ASAP2: variants seen among roughly 807,000 people sequenced by gnomAD.
The protein encoded by ASAP2 is arf-GAP with SH3 domain, ANK repeat and PH domain-containing protein 2.
ASAP2 carries 45 observed loss-of-function variants against 131.4 expected under a neutral mutation model. That is an observed-to-expected ratio of 0.34 (90% CI 0.27 to 0.44). The LOEUF is 0.44. Among genes scored for constraint, ASAP2 ranks in the 20% least tolerant of loss-of-function variants. The probability of loss-of-function intolerance (pLI) is 1.00; values close to 1 mark genes in which losing one functional copy is unlikely to be tolerated. For missense variants in ASAP2, 1,011 were observed against 1,297.0 expected, an observed-to-expected ratio of 0.78 and a Z score of 3.39; for synonymous variants, 510 against 503.0, an observed-to-expected ratio of 1.01 and a Z score of -0.19.
intron 11 of ASAP2, among the ~76,000 whole-genome samples, chr2:9,350,228 A>G (rs1295612819): frequency 6.6e-6 from 1 of 152,074 alleles, no homozygotes; most frequent in Non-Finnish European, 1.5e-5. Context: ...GGGGTTACAG[A>G]TGTGAATGAA....
chr2:9,317,149 C>T (rs1290268168), intron 3 of ASAP2, among the ~76,000 whole-genome samples: 1 of 149,564 alleles, frequency 6.7e-6, no homozygotes, highest in African/African-American at 2.5e-5. Flanking sequence ...CCCAATCACA[C>T]CCACTCACAT....
At chr2:9,315,089 G>A (rs1032882970) in intron 3 of ASAP2, among the ~76,000 whole-genome samples, 21 of 152,186 alleles carry the variant, frequency 1.4e-4, no homozygotes, top group African/African-American at 5.1e-4. Context: ...CCGTCGAATA[G>A]AACAAATTGA....
Position 9,335,109 on chromosome 2 carries a change from A to G in ASAP2, c.779A>G (p.Asp260Gly). Reference sequence around the variant, plus strand: ...TTTTTAAAGATCAAACAGGCCCAGGATGAAGAAAGAAGGCAGTTGATACAG... The same window carrying G: ...TTTTTAAAGATCAAACAGGCCCAGGGTGAAGAAAGAAGGCAGTTGATACAG... Reference protein sequence around the residue: ...TDLHTIKQAQDEERRQLIQLR... With the variant: ...TDLHTIKQAQGEERRQLIQLR... Residue 260 changes from aspartate to glycine, a missense_variant, in exon 9 of 28, where the codon GAT (aspartate) becomes GGT (glycine). Asp to Gly is a moderately conservative substitution (Grantham distance 94). This residue lies in a region of ASAP2 where 359 missense variants were observed against 598.1 expected (regional missense o/e 0.60). Coordinates refer to ENST00000281419, the MANE Select transcript of ASAP2 (RefSeq NM_003887.3). 2 of 1,614,160 alleles carry G rather than the reference A, an allele frequency of 1.2e-6. No homozygotes were observed. Among genetic ancestry groups the G allele is most frequent in the Non-Finnish European group, 1.7e-6 (2 of 1,180,020 alleles).
intron 1 of ASAP2, among the ~76,000 whole-genome samples, chr2:9,274,125 A>G (rs1038441514): frequency 6.6e-6 from 1 of 152,116 alleles, no homozygotes; most frequent in African/African-American, 2.4e-5. Context: ...TAGTTTTTTC[A>G]GTTCTGATAG....
intron 1 of ASAP2, among the ~76,000 whole-genome samples, chr2:9,253,309 G>A (rs938836861): frequency 1.3e-5 from 2 of 152,006 alleles, no homozygotes; most frequent in East Asian, 1.9e-4. Context: ...GATTACAGGT[G>A]CCCGCCACCA....
chr2:9,226,707 C>T (rs1662794431), intron 1 of ASAP2, among the ~76,000 whole-genome samples: 1 of 152,218 alleles, frequency 6.6e-6, no homozygotes, highest in Non-Finnish European at 1.5e-5. Flanking sequence ...ACTTGGGAAA[C>T]AGGTCACAGG....
rs1234124659 is a variant in ASAP2 at position 9,403,579 on chromosome 2, A to G, written c.*252A>G. On this transcript the variant is annotated 3_prime_UTR_variant, in exon 28 of 28. Transcript: ENST00000281419. The stretch of plus-strand genomic sequence containing the variant: ...TTCCCAACAGGTGAACTGAAAAGTT[A>G]TTTTAACTATTATACATAATCAAGA... 5.3e-5 allele frequency: 26 copies of G among 487,854 alleles called. No individual in the cohort carries two copies. In the Admixed American group the frequency reaches 5.3e-4, roughly 10 times the overall value. 30.2% of individuals were successfully genotyped at this position (487,854 alleles called of 1,614,324 possible).
chr2:9,346,458 C>T (rs918373154), intron 11 of ASAP2, among the ~76,000 whole-genome samples: 6 of 151,004 alleles, frequency 4.0e-5, no homozygotes, highest in African/African-American at 1.5e-4. Flanking sequence ...AAAAGCCATT[C>T]TTTCCATGCG....
intron 3 of ASAP2, among the ~76,000 whole-genome samples, chr2:9,308,133 A>G (rs1479357602): frequency 1.3e-5 from 2 of 152,220 alleles, no homozygotes; most frequent in African/African-American, 2.4e-5. Flanking sequence ...TAACACATAT[A>G]TAACACACAC....
chr2:9,290,916 T>C (rs1667768093), intron 2 of ASAP2, among the ~76,000 whole-genome samples: 1 of 152,218 alleles, frequency 6.6e-6, no homozygotes, highest in Non-Finnish European at 1.5e-5. Context: ...TGACAGTTTA[T>C]TGACTGCTAG....
At chr2:9,314,286 C>T (rs1228456194) in intron 3 of ASAP2, among the ~76,000 whole-genome samples, 1 of 152,190 alleles carries the variant, frequency 6.6e-6, no homozygotes, top group East Asian at 1.9e-4. Flanking sequence ...ACTCAGCCTC[C>T]TTTGTAAATT....
Position 9,217,626 on chromosome 2 carries a change from T to TTG in ASAP2, c.126+10397_126+10398insGT, listed in dbSNP as rs1031912539. On this transcript the variant is annotated intron_variant, in intron 1 of 27. Transcript: ENST00000281419. This position sits in a 1 kb window ranked among gnomAD's most constrained non-coding sequence, Gnocchi z 4.0. The stretch of plus-strand genomic sequence containing the variant: ...AGGTATGTTTTTGTTTTTTGTTTTT[T>TTG]TTTTTGAGACGGAGTCTTCGCTCTG... 5.3e-5 allele frequency among the ~76,000 whole-genome samples: 8 copies of TTG among 151,866 alleles called. No individual in the cohort carries two copies. The highest frequency in any genetic ancestry group is 1.0e-4 in the Non-Finnish European group (7 of 67,922).
At chr2:9,294,369 T>C (rs1668021188) in intron 2 of ASAP2, among the ~76,000 whole-genome samples, 1 of 152,092 alleles carries the variant, frequency 6.6e-6, no homozygotes, top group Non-Finnish European at 1.5e-5. Context: ...GAAGGAGGGA[T>C]GATAAGGAGT....
intron 19 of ASAP2, 147 bp from the exon 20 acceptor site, chr2:9,380,594 C>T (rs1354883945): frequency 6.3e-6 from 5 of 794,214 alleles, no homozygotes; most frequent in Non-Finnish European, 6.8e-6. Context: ...CATTCAGCCT[C>T]GACTAGGTCA....
chr2:9,265,713 G>T (rs1020325983), intron 1 of ASAP2, among the ~76,000 whole-genome samples: 7 of 150,204 alleles, frequency 4.7e-5, no homozygotes, highest in African/African-American at 1.7e-4. Flanking sequence ...TTTACAATTT[G>T]TGTGTGTGTG....
chr2:9,312,015 A>G (rs1558319563), intron 3 of ASAP2, among the ~76,000 whole-genome samples: 1 of 152,262 alleles, frequency 6.6e-6, no homozygotes, highest in Non-Finnish European at 1.5e-5. Context: ...TTTAAAAAGT[A>G]AACACCTTTG....
chr2:9,351,165 G>A (rs1672306118), intron 12 of ASAP2, among the ~76,000 whole-genome samples: 1 of 152,164 alleles, frequency 6.6e-6, no homozygotes, highest in Non-Finnish European at 1.5e-5. Context: ...CAGCATTCCT[G>A]TTCCTAAATA....
Position 9,385,353 on chromosome 2 carries a change from T to C in ASAP2, c.2125T>C (p.Leu709=). The C allele has an allele frequency of 6.2e-7, 1 of 1,612,700 alleles. No homozygotes were observed. The highest frequency in any genetic ancestry group is 8.5e-7 in the Non-Finnish European group (1 of 1,178,622). ...AAGTGATGACGACATGGATGAGAAA[T>C]TGCAGGTCTGTGCCAGGTTGCTAAC... The part of the protein sequence containing the change: ...DESDDDMDEK[L]QPSPNRREDR... Residue 709 remains leucine, a synonymous_variant, in exon 21 of 28, where the codon TTG becomes CTG. Transcript: ENST00000281419.
chr2:9,275,194 C>G (rs760203147), intron 1 of ASAP2, among the ~76,000 whole-genome samples: 1 of 151,880 alleles, frequency 6.6e-6, no homozygotes, highest in African/African-American at 2.4e-5. Flanking sequence ...GATCCTCCCT[C>G]CTCAGCCTGG....
Sources: allele counts gnomAD v4.1 joint callset (sites outside exome capture counted in the v4.1 genomes callset), GRCh38; gene constraint gnomAD v4.1.1; regional missense constraint gnomAD v4.1.1; non-coding constraint Gnocchi (gnomAD v3.1); transcripts MANE v1.5; gene names NCBI Gene and HGNC (gene_info 2026-07-23, HGNC 2026-07-21).